SORCS2: variants seen among roughly 807,000 people sequenced by gnomAD.
The protein encoded by SORCS2 is sortilin related VPS10 domain containing receptor 2.
SORCS2 carries 100 observed loss-of-function variants against 141.6 expected under a neutral mutation model. That is an observed-to-expected ratio of 0.71 (90% CI 0.60 to 0.83). The LOEUF is 0.83. SORCS2 is among the 40% of genes least tolerant of loss of function. The probability of loss-of-function intolerance (pLI) is 0.00; values close to 1 mark genes in which losing one functional copy is unlikely to be tolerated. For missense variants in SORCS2, 1,646 were observed against 1,560.2 expected, an observed-to-expected ratio of 1.05 and a Z score of -0.93; for synonymous variants, 789 against 676.9, an observed-to-expected ratio of 1.17 and a Z score of -2.57.
chr4:7,383,475 G>A (rs1723114397), intron 1 of SORCS2, among the ~76,000 whole-genome samples: 1 of 152,204 alleles, frequency 6.6e-6, no homozygotes, highest in South Asian at 2.1e-4. Context: ...ATTCTTGGAG[G>A]TAATGAACAT....
intron 1 of SORCS2, among the ~76,000 whole-genome samples, chr4:7,227,577 C>T (rs1421737489): frequency 6.6e-6 from 1 of 152,104 alleles, no homozygotes; most frequent in Non-Finnish European, 1.5e-5. Flanking sequence ...TGCATCCCTT[C>T]CAGGCAGACA....
chr4:7,729,366 G>A (rs1727442932), intron 22 of SORCS2, among the ~76,000 whole-genome samples: 1 of 152,116 alleles, frequency 6.6e-6, no homozygotes, highest in South Asian at 2.1e-4. Context: ...GACGGCACAG[G>A]TCCTGAATAG....
In SORCS2 at chr4:7,429,761, G is replaced by A. The variant is rs148766114; in HGVS notation, c.548+33406G>A. 7.0e-3 allele frequency among the ~76,000 whole-genome samples: 1,059 copies of A among 152,292 alleles called. 4 individuals carry two copies. The highest frequency in any genetic ancestry group is 0.015 in the Admixed American group (223 of 15,308). On this transcript the variant is annotated intron_variant, in intron 2 of 26. Coordinates refer to ENST00000507866, the MANE Select transcript of SORCS2 (RefSeq NM_020777.3). The stretch of plus-strand genomic sequence containing the variant: ...CTTGCACGTGGACATATCGTGGGTC[G>A]CGGGTGTGAGGACAGAGAACACACG...
chr4:7,543,755 T>C (rs1326750960), intron 3 of SORCS2, among the ~76,000 whole-genome samples: 8 of 59,528 alleles, frequency 1.3e-4, no homozygotes, highest in African/African-American at 5.9e-4. Flanking sequence ...CATCCACCCA[T>C]CCACCCACCC....
intron 1 of SORCS2, among the ~76,000 whole-genome samples, chr4:7,328,703 A>T (rs1358949273): frequency 1.3e-5 from 2 of 152,036 alleles, no homozygotes; most frequent in African/African-American, 4.8e-5. Context: ...AGCAAGACAG[A>T]TGCTTCCCTG....
At chr4:7,622,078 C>G (rs1312803229) in intron 3 of SORCS2, among the ~76,000 whole-genome samples, 1 of 151,368 alleles carries the variant, frequency 6.6e-6, no homozygotes, top group Non-Finnish European at 1.5e-5. Context: ...CAGAGCACGG[C>G]CCCTGGGGGA....
chr4:7,380,400 A>T lies in SORCS2; in HGVS notation c.481-15888A>T, dbSNP rs533743239. On this transcript the variant is annotated intron_variant, in intron 1 of 26. Coordinates refer to ENST00000507866, the MANE Select transcript of SORCS2 (RefSeq NM_020777.3). ...CATGTTGGAATTGCACTGGACAGGTAGCGAGCTCCCCGTCACCGGACTCCT... is the reference window on the plus strand; with the variant it reads ...CATGTTGGAATTGCACTGGACAGGTTGCGAGCTCCCCGTCACCGGACTCCT... 5.3e-5 allele frequency among the ~76,000 whole-genome samples: 8 copies of T among 152,364 alleles called. No individual in the cohort carries two copies. In the South Asian group the frequency reaches 1.7e-3, roughly 32 times the overall value.
At chr4:7,546,204 A>G (rs1263480496) in intron 3 of SORCS2, among the ~76,000 whole-genome samples, 1 of 152,076 alleles carries the variant, frequency 6.6e-6, no homozygotes, top group Non-Finnish European at 1.5e-5. Flanking sequence ...CTATCGTGGG[A>G]GGTGGGAGGT....
chr4:7,570,294 C>A (rs1239340925), intron 3 of SORCS2, among the ~76,000 whole-genome samples: 2 of 152,184 alleles, frequency 1.3e-5, no homozygotes, highest in Non-Finnish European at 2.9e-5. Flanking sequence ...GAGCCTGTGT[C>A]CCACTTTGTA....
chr4:7,195,901 A>T (rs1727140974), intron 1 of SORCS2, among the ~76,000 whole-genome samples: 1 of 152,202 alleles, frequency 6.6e-6, no homozygotes, highest in Non-Finnish European at 1.5e-5. Context: ...CCCTCTGCAG[A>T]TGTGGTCAAC....
intron 1 of SORCS2, among the ~76,000 whole-genome samples, chr4:7,322,469 G>T (rs1718959262): frequency 6.6e-6 from 1 of 152,212 alleles, no homozygotes; most frequent in Non-Finnish European, 1.5e-5. Context: ...CGCTGCACGG[G>T]AAGGCCAGAG....
chr4:7,358,576 G>T (rs1233804623), intron 1 of SORCS2, among the ~76,000 whole-genome samples: 1 of 152,246 alleles, frequency 6.6e-6, no homozygotes, highest in Non-Finnish European at 1.5e-5. Context: ...AACTCTTGAA[G>T]TATTGCGCCT....
intron 1 of SORCS2, among the ~76,000 whole-genome samples, chr4:7,376,341 C>A (rs889995916): frequency 1.7e-4 from 26 of 151,652 alleles, no homozygotes; most frequent in Admixed American, 3.3e-4. Flanking sequence ...CTTTGGGAAG[C>A]CAAGGCTGGT....
intron 3 of SORCS2, among the ~76,000 whole-genome samples, chr4:7,630,183 G>A (rs1231904281): frequency 6.6e-6 from 1 of 152,152 alleles, no homozygotes; most frequent in African/African-American, 2.4e-5. Context: ...TCTGGGACCT[G>A]GACACAGCCC....
chr4:7,573,979 C>T (rs1285184323), intron 3 of SORCS2, among the ~76,000 whole-genome samples: 1 of 152,268 alleles, frequency 6.6e-6, no homozygotes, highest in Non-Finnish European at 1.5e-5. Context: ...AAATCCTTGG[C>T]TCTTCCTGAA....
intron 1 of SORCS2, among the ~76,000 whole-genome samples, chr4:7,249,090 A>T (rs1713313524): frequency 6.6e-6 from 1 of 152,210 alleles, no homozygotes; most frequent in South Asian, 2.1e-4. Flanking sequence ...GCTTAAAAGA[A>T]TCATATTCTA....
At chr4:7,198,646 A>G (rs1014429989) in intron 1 of SORCS2, among the ~76,000 whole-genome samples, 1 of 152,098 alleles carries the variant, frequency 6.6e-6, no homozygotes, top group African/African-American at 2.4e-5. Flanking sequence ...CCACCTGGAG[A>G]GAGACAGAAG....
At chr4:7,607,673 A>G (rs748348905) in intron 3 of SORCS2, among the ~76,000 whole-genome samples, 1 of 152,192 alleles carries the variant, frequency 6.6e-6, no homozygotes, top group Non-Finnish European at 1.5e-5. Flanking sequence ...GAATCCTGCC[A>G]AGTCTTTCTG....
intron 2 of SORCS2, among the ~76,000 whole-genome samples, chr4:7,524,894 A>G (rs756663555): frequency 1.5e-4 from 23 of 152,166 alleles, no homozygotes; most frequent in Non-Finnish European, 3.2e-4. Context: ...AGAGAGAAAC[A>G]TGCTCCCCAT....
Sources: allele counts gnomAD v4.1 joint callset (sites outside exome capture counted in the v4.1 genomes callset), GRCh38; gene constraint gnomAD v4.1.1; transcripts MANE v1.5; gene names NCBI Gene and HGNC (gene_info 2026-07-23, HGNC 2026-07-21).